Variants in NLGN1 observed in about 807,000 individuals in gnomAD.
The protein encoded by NLGN1 is neuroligin-1.
A neutral mutation model predicts 65.5 loss-of-function variants in NLGN1; 12 were observed. That is an observed-to-expected ratio of 0.18 (90% CI 0.12 to 0.30). The LOEUF is 0.30. Among genes scored for constraint, NLGN1 ranks in the 10% least tolerant of loss-of-function variants. The pLI is 1.00. For missense variants in NLGN1, 750 were observed against 1,007.1 expected, an observed-to-expected ratio of 0.74 and a Z score of 3.46; for synonymous variants, 350 against 359.5, an observed-to-expected ratio of 0.97 and a Z score of 0.30.
intron 3 of NLGN1, among the ~76,000 whole-genome samples, chr3:173,658,076 G>A (rs1057490913): frequency 9.2e-5 from 14 of 151,884 alleles, no homozygotes; most frequent in Non-Finnish European, 1.3e-4. Context: ...TGTAACTTTC[G>A]TATGGTAGTT....
intron 3 of NLGN1, among the ~76,000 whole-genome samples, chr3:173,782,812 C>T (rs896526843): frequency 3.3e-5 from 5 of 151,760 alleles, no homozygotes; most frequent in African/African-American, 1.2e-4. Flanking sequence ...ATTCCCCTAC[C>T]CCCCGCTCCC....
At chr3:174,092,603 C>T (rs1744729539) in intron 4 of NLGN1, among the ~76,000 whole-genome samples, 2 of 151,538 alleles carry the variant, frequency 1.3e-5, no homozygotes, top group African/African-American at 2.4e-5. Flanking sequence ...TTAGTCATAA[C>T]ATTATAACGT....
chr3:174,273,025 T>A (rs1369521131), intron 4 of NLGN1, among the ~76,000 whole-genome samples: 1 of 150,924 alleles, frequency 6.6e-6, no homozygotes, highest in Non-Finnish European at 1.5e-5. Context: ...ACAGCACTGT[T>A]GTTATATAAA....
chr3:174,213,260 T>C (rs1204413555), intron 4 of NLGN1, among the ~76,000 whole-genome samples: 2 of 152,242 alleles, frequency 1.3e-5, no homozygotes, highest in South Asian at 2.1e-4. Context: ...TTTTGGGTGC[T>C]AATAAATTCT....
intron 4 of NLGN1, among the ~76,000 whole-genome samples, chr3:174,219,938 G>A (rs1002661602): frequency 6.6e-6 from 1 of 152,094 alleles, no homozygotes; most frequent in African/African-American, 2.4e-5. Context: ...CAGCCAGCAG[G>A]TGTCAGACAG....
intron 4 of NLGN1, among the ~76,000 whole-genome samples, chr3:174,170,018 G>A (rs758065748): frequency 2.0e-5 from 3 of 152,036 alleles, no homozygotes; most frequent in Non-Finnish European, 4.4e-5. Context: ...ACATACTGGG[G>A]CTTCACTCAC....
At chr3:173,540,497 A>T (rs1738672314) in intron 2 of NLGN1, among the ~76,000 whole-genome samples, 1 of 152,186 alleles carries the variant, frequency 6.6e-6, no homozygotes, top group South Asian at 2.1e-4. Context: ...TAGCCTTCAG[A>T]AAAAGAAGGT....
At chr3:174,117,461 CA>C (rs956109167) in intron 4 of NLGN1, among the ~76,000 whole-genome samples, 4 of 148,292 alleles carry the variant, frequency 2.7e-5, no homozygotes, top group East Asian at 2.0e-4. Flanking sequence ...CTAAAAAATA[CA>C]AAAAAAAAAT....
intron 4 of NLGN1, among the ~76,000 whole-genome samples, chr3:174,113,076 G>A (rs543269191): frequency 3.3e-5 from 5 of 151,946 alleles, no homozygotes; most frequent in Non-Finnish European, 1.5e-5. Context: ...GGATTAGTAA[G>A]GAAAGGAAGA....
intron 4 of NLGN1, among the ~76,000 whole-genome samples, chr3:173,883,693 C>G (rs1033417581): frequency 1.3e-5 from 2 of 151,864 alleles, no homozygotes; most frequent in African/African-American, 4.8e-5. Flanking sequence ...TTACCAGTTT[C>G]TGATTTAAAT....
At chr3:174,185,198 G>T (rs895742981) in intron 4 of NLGN1, among the ~76,000 whole-genome samples, 4 of 151,712 alleles carry the variant, frequency 2.6e-5, no homozygotes, top group Admixed American at 2.0e-4. Flanking sequence ...CCAACCTTCC[G>T]TCACACTCTA....
intron 2 of NLGN1, among the ~76,000 whole-genome samples, chr3:173,499,336 C>G (rs1730599146): frequency 1.3e-5 from 2 of 151,698 alleles, no homozygotes; most frequent in South Asian, 4.2e-4. Context: ...GCTTGTTTTT[C>G]TCAGGTTTGT....
At chr3:173,428,304 A>G (rs549362056) in intron 1 of NLGN1, among the ~76,000 whole-genome samples, 1 of 151,988 alleles carries the variant, frequency 6.6e-6, no homozygotes, top group African/African-American at 2.4e-5. Context: ...GTGAGGACTT[A>G]CTACTACCAT....
intron 4 of NLGN1, among the ~76,000 whole-genome samples, chr3:173,815,825 C>A (rs1015096414): frequency 6.6e-6 from 1 of 152,092 alleles, no homozygotes; most frequent in Non-Finnish European, 1.5e-5. Flanking sequence ...TGTGTACCAA[C>A]CCTTCCATGT....
At chr3:174,203,704 T>C (rs1362954) in intron 4 of NLGN1, among the ~76,000 whole-genome samples, 113,623 of 152,074 alleles carry the variant, frequency 0.75, 42,485 homozygotes, top group East Asian at 0.8. Context: ...TCGACTAGGG[T>C]TTGTGTAATT....
chr3:174,032,542 T>G (rs1730239996), intron 4 of NLGN1, among the ~76,000 whole-genome samples: 1 of 152,054 alleles, frequency 6.6e-6, no homozygotes, highest in Non-Finnish European at 1.5e-5. Flanking sequence ...GGCAGGGACA[T>G]GGAAATATGT....
At chr3:173,606,596 T>C (rs1302481823) in intron 3 of NLGN1, among the ~76,000 whole-genome samples, 1 of 152,048 alleles carries the variant, frequency 6.6e-6, no homozygotes, top group Non-Finnish European at 1.5e-5. Flanking sequence ...GGGCAGGGAA[T>C]GTCTAAACTG....
At chr3:173,929,435 G>C (rs1287939522) in intron 4 of NLGN1, among the ~76,000 whole-genome samples, 4 of 152,064 alleles carry the variant, frequency 2.6e-5, no homozygotes, top group African/African-American at 9.7e-5. Flanking sequence ...CAGGTTGTCA[G>C]ATTTGCCCAC....
rs745702775 is a variant in NLGN1 at position 173,650,930 on chromosome 3, T to A, written c.493+45839T>A. On this transcript the variant is annotated intron_variant, in intron 3 of 6. Coordinates refer to ENST00000457714, the Ensembl canonical transcript of NLGN1. The stretch of plus-strand genomic sequence containing the variant: ...TCTAACTCCTTGCCTGTTTATTTTT[T>A]TTTTTTATTATTTGTATAAATTTAA... 7.9e-5 allele frequency among the ~76,000 whole-genome samples: 12 copies of A among 152,230 alleles called. No homozygotes were observed. The South Asian group carries it at 1.4e-3, about 18-fold the overall frequency.
Sources: gnomAD v4.1 joint callset for allele counts (sites outside exome capture counted in the v4.1 genomes callset) on GRCh38, gnomAD v4.1.1 for gene constraint, MANE v1.5 for transcripts, NCBI Gene and HGNC (gene_info 2026-07-23, HGNC 2026-07-21) for gene names.